Variants in TMEM181 observed in about 807,000 individuals in gnomAD.
TMEM181 encodes the protein G protein-coupled receptor 178.
In TMEM181, 39 loss-of-function variants were observed where a neutral mutation model predicts 71.9. The ratio of observed to expected loss-of-function variants is 0.54; its 90% CI spans 0.42 to 0.71. TMEM181 has a LOEUF of 0.71. Among genes scored for constraint, TMEM181 ranks in the 30% least tolerant of loss-of-function variants. The pLI is 0.00. For missense variants in TMEM181, 595 were observed against 583.0 expected (o/e 1.02, Z -0.21); for synonymous variants, 245 against 228.8 (o/e 1.07, Z -0.64).
At chr6:158,564,854 AGT>A (rs1782395433) in intron 1 of TMEM181, among the ~76,000 whole-genome samples, 1 of 152,204 alleles carries the variant, frequency 6.6e-6, no homozygotes, top group Non-Finnish European at 1.5e-5. Flanking sequence ...TAAAAACAAC[AGT>A]GTGAGAATGG....
intron 1 of TMEM181, among the ~76,000 whole-genome samples, chr6:158,554,531 A>G (rs1300301890): frequency 6.6e-6 from 1 of 152,196 alleles, no homozygotes; most frequent in Non-Finnish European, 1.5e-5. Flanking sequence ...ATGCTGTTTC[A>G]TTTTAACATT....
At chr6:158,601,776 C>A (rs1485538744) in intron 6 of TMEM181, among the ~76,000 whole-genome samples, 470 of 144,060 alleles carry the variant, frequency 3.3e-3, no homozygotes, top group African/African-American at 0.011. Context: ...AAAAAAAAAA[C>A]AAGGCTAAAA....
At chr6:158,555,934 C>T (rs1781867453), upstream of TMEM181, among the ~76,000 whole-genome samples, 1 of 152,116 alleles carries the variant, frequency 6.6e-6, no homozygotes, top group Non-Finnish European at 1.5e-5. Flanking sequence ...CATAACTAAA[C>T]CAAAATCAGT....
chr6:158,612,026 A>C (rs1785357218), intron 10 of TMEM181, among the ~76,000 whole-genome samples: 1 of 150,830 alleles, frequency 6.6e-6, no homozygotes, highest in Admixed American at 6.6e-5. Context: ...TAGCGCATTT[A>C]AAGGGAAAGG....
At position 158,552,836 on chromosome 6, in the gene TMEM181, A is replaced by AACC. The variant is rs1554301202; in HGVS notation, c.131+15972_131+15973insCCA. On this transcript the variant is annotated intron_variant, in intron 1 of 16. Coordinates refer to the TMEM181 transcript ENST00000367090. ...AGTGAAATTACCATTCGGAATGAAA[A>AACC]AACATTTCTGTCTTGAAACTAGAGA... Among the ~76,000 whole-genome samples the AACC allele has an allele frequency of 3.7e-3, 568 of 151,786 alleles. 8 individuals are homozygous for AACC. The highest frequency in any genetic ancestry group is 0.013 in the African/African-American group (543 of 41,372).
intron 2 of TMEM181, among the ~76,000 whole-genome samples, chr6:158,577,783 A>T (rs1783245953): frequency 6.6e-6 from 1 of 152,218 alleles, no homozygotes; most frequent in Admixed American, 6.5e-5. Context: ...GGGCTGATAC[A>T]TTCAAAGTTC....
chr6:158,630,406 C>T (rs1485498489), intron 15 of TMEM181, among the ~76,000 whole-genome samples: 6 of 151,906 alleles, frequency 3.9e-5, no homozygotes, highest in East Asian at 1.9e-4. Flanking sequence ...TGAGGAGGGA[C>T]GGTCGCTTGA....
intron 5 of TMEM181, among the ~76,000 whole-genome samples, chr6:158,588,034 T>C (rs1213058706): frequency 2.0e-5 from 3 of 152,202 alleles, no homozygotes; most frequent in African/African-American, 7.2e-5. Flanking sequence ...TTTAGTTTTG[T>C]CGAGAAGGTG....
At chr6:158,631,464 A>C (rs1786661746) in intron 16 of TMEM181, 75 bp downstream of exon 16, 1 of 1,463,628 alleles carries the variant, frequency 6.8e-7, no homozygotes, top group Non-Finnish European at 9.6e-7. Context: ...TGAATGGGTT[A>C]CTCTTCTAAA....
intron 1 of TMEM181, among the ~76,000 whole-genome samples, chr6:158,566,913 T>G (rs1782541892): frequency 6.6e-6 from 1 of 152,186 alleles, no homozygotes; most frequent in South Asian, 2.1e-4. Context: ...CACGGTGATT[T>G]GCATTATGGA....
At chr6:158,625,818 T>C in intron 13 of TMEM181, 64 bp downstream of exon 13, 1 of 1,423,692 alleles carries the variant, frequency 7.0e-7, no homozygotes, top group Admixed American at 1.8e-5. Context: ...CAGGAATATC[T>C]GTTGCCTCCT....
chr6:158,560,472 C>T (rs2128284713), intron 1 of TMEM181, among the ~76,000 whole-genome samples: 1 of 152,296 alleles, frequency 6.6e-6, no homozygotes, highest in East Asian at 1.9e-4. Context: ...CGGTTAGAGA[C>T]CGGGATGCGG....
intron 1 of TMEM181, among the ~76,000 whole-genome samples, chr6:158,562,791 CTG>C (rs1467090908): frequency 3.9e-5 from 6 of 152,214 alleles, no homozygotes; most frequent in Non-Finnish European, 7.3e-5. Flanking sequence ...TAAAAGATAA[CTG>C]TGAGTGTTCA....
chr6:158,616,923 C>T (rs549908512), intron 10 of TMEM181, among the ~76,000 whole-genome samples: 2 of 152,298 alleles, frequency 1.3e-5, no homozygotes, highest in African/African-American at 4.8e-5. Context: ...CAATGTTCAT[C>T]AGGGATATTG....
At chr6:158,568,101 G>GC (rs1782612251) in intron 1 of TMEM181, among the ~76,000 whole-genome samples, 1 of 152,118 alleles carries the variant, frequency 6.6e-6, no homozygotes, top group African/African-American at 2.4e-5. Context: ...GAACTGGGGA[G>GC]CAAGGACTCA....
At chr6:158,586,265 C>T (rs1052731180) in intron 5 of TMEM181, among the ~76,000 whole-genome samples, 4 of 152,208 alleles carry the variant, frequency 2.6e-5, no homozygotes. Flanking sequence ...GAGTCCACCT[C>T]AGGCACAACA....
At chr6:158,594,481 A>G (rs75355522) in intron 6 of TMEM181, among the ~76,000 whole-genome samples, 4 of 152,044 alleles carry the variant, frequency 2.6e-5, no homozygotes, top group Admixed American at 1.3e-4. Flanking sequence ...TCACTAAGTT[A>G]TATGCATTTT....
chr6:158,610,774 T>C (rs1238464788), intron 10 of TMEM181: 2 of 313,184 alleles, frequency 6.4e-6, no homozygotes, highest in Non-Finnish European at 1.2e-5. Flanking sequence ...TGCTGCGTCA[T>C]TGCTGCTGCT....
chr6:158,567,220 C>T (rs1031633358), intron 1 of TMEM181, among the ~76,000 whole-genome samples: 7 of 152,116 alleles, frequency 4.6e-5, no homozygotes, highest in African/African-American at 4.8e-5. Context: ...TGTTGAGAGC[C>T]GGCAGGGGTT....
Sources: gnomAD v4.1 joint callset for allele counts (sites outside exome capture counted in the v4.1 genomes callset) on GRCh38, gnomAD v4.1.1 for gene constraint, MANE v1.5 for transcripts, NCBI Gene and HGNC (gene_info 2026-07-23, HGNC 2026-07-21) for gene names.